The following ZNF445 variants were observed in gnomAD, a reference collection of about 807,000 sequenced individuals.
The protein encoded by ZNF445 is zinc finger protein 168.
In ZNF445, 19 loss-of-function variants were observed where a neutral mutation model predicts 93.9. The ratio of observed to expected loss-of-function variants is 0.20; its 90% CI spans 0.14 to 0.30. The LOEUF (loss-of-function observed/expected upper bound fraction) is 0.30. Ranked by LOEUF, ZNF445 falls within the 10% of genes least tolerant of loss-of-function variation. The pLI is 1.00. For missense variants in ZNF445, 1,058 were observed against 1,259.4 expected (o/e 0.84, Z 2.42); for synonymous variants, 449 against 446.3 (o/e 1.01, Z -0.08).
chr3:44,435,953 A>G lies in ZNF445; in HGVS notation c.*10622T>C, dbSNP rs1269588616. On this transcript the variant is annotated 3_prime_UTR_variant, in exon 8 of 8. Transcript: ENST00000396077. Reference sequence around the variant, plus strand: ...AAAGTCTAATTATTTGCCCTTCCCAATGCACAATCACTCTGATAAATGGCC... The same window carrying G: ...AAAGTCTAATTATTTGCCCTTCCCAGTGCACAATCACTCTGATAAATGGCC... 1 of 152,222 alleles carries G rather than the reference A, an allele frequency of 6.6e-6. No homozygotes were observed. The highest frequency in any genetic ancestry group is 1.9e-4 in the East Asian group (1 of 5,204). 9.4% of individuals were successfully genotyped at this position (152,222 alleles called of 1,614,324 possible). A position where few individuals can be genotyped will look rare whatever the true frequency, so the allele number is the denominator to read the frequency against.
chr3:44,463,636 T>A (rs1698151552), intron 1 of ZNF445, among the ~76,000 whole-genome samples: 1 of 152,184 alleles, frequency 6.6e-6, no homozygotes, highest in African/African-American at 2.4e-5. Flanking sequence ...AAATATACTT[T>A]AAGGGATGGC....
rs1444883847 is a variant in ZNF445 at position 44,438,535 on chromosome 3, A to G, written c.*8040T>C. ...ATGGTCTCGATCTCTTGACCTCGTG[A>G]TCTGCCCGCCTCAGCCTCCCAAAGT... On this transcript the variant is annotated 3_prime_UTR_variant, in exon 8 of 8. Coordinates refer to ENST00000396077, the MANE Select transcript of ZNF445 (RefSeq NM_181489.6). The G allele has an allele frequency of 1.3e-5, 2 of 152,038 alleles. No individual in the cohort carries two copies. The highest frequency in any genetic ancestry group is 3.9e-4 in the East Asian group (2 of 5,176). 9.4% of individuals were successfully genotyped at this position (152,038 alleles called of 1,614,324 possible). A position where few individuals can be genotyped will look rare whatever the true frequency, so the allele number is the denominator to read the frequency against.
chr3:44,462,115 A>T (rs1698122629), intron 1 of ZNF445, among the ~76,000 whole-genome samples: 1 of 152,166 alleles, frequency 6.6e-6, no homozygotes, highest in Admixed American at 6.6e-5. Context: ...ACTTTGTGCT[A>T]AGAATTTGTC....
chr3:44,464,367 A>G (rs7623341), intron 1 of ZNF445, among the ~76,000 whole-genome samples: 89 of 152,384 alleles, frequency 5.8e-4, no homozygotes, highest in Middle Eastern at 3.4e-3. Context: ...AGAAACTGGC[A>G]AATGAAAAAT....
chr3:44,466,684 G>A (rs1283183667), intron 1 of ZNF445, among the ~76,000 whole-genome samples: 1 of 152,018 alleles, frequency 6.6e-6, no homozygotes. Context: ...TTTATAAGCA[G>A]GTATAAAATT....
At chr3:44,451,136 G>A (rs958906910) in intron 4 of ZNF445, among the ~76,000 whole-genome samples, 174 bp from the exon 5 acceptor site, 1 of 152,148 alleles carries the variant, frequency 6.6e-6, no homozygotes. Context: ...GTGGGATGGG[G>A]GGTGTAATGG....
chr3:44,449,540 T>C lies in ZNF445; in HGVS notation c.904A>G (p.Lys302Glu), dbSNP rs1185848044. The C allele has an allele frequency of 1.2e-6, 2 of 1,614,194 alleles. No individual in the cohort carries two copies. Among genetic ancestry groups the C allele is most frequent in the East Asian group, 2.2e-5 (1 of 44,876 alleles). Residue 302 changes from lysine to glutamate, a missense_variant, in exon 7 of 8, where the codon AAG becomes GAG. By Grantham distance (56) the Lys-to-Glu change is moderately conservative. This residue lies in a region of ZNF445 where 657 missense variants were observed against 746.4 expected (regional missense o/e 0.88). Transcript: ENST00000396077. The part of the protein sequence containing the change: ...WGLNMQAAQP[K>E]GNPVAAPTGD... Reference sequence around the variant, plus strand: ...GTAGGAGCAGCAACTGGATTCCCCTTAGGCTGAGCTGCCTGCATGTTCAGG... The same window carrying C: ...GTAGGAGCAGCAACTGGATTCCCCTCAGGCTGAGCTGCCTGCATGTTCAGG...
intron 1 of ZNF445, among the ~76,000 whole-genome samples, chr3:44,458,616 C>T (rs1448609438): frequency 1.3e-5 from 2 of 152,044 alleles, no homozygotes; most frequent in Non-Finnish European, 2.9e-5. Flanking sequence ...GGTAAGACAG[C>T]CTTTTGTTAT....
intron 1 of ZNF445, among the ~76,000 whole-genome samples, chr3:44,473,589 T>C (rs996952415): frequency 6.6e-6 from 1 of 151,828 alleles, no homozygotes; most frequent in Non-Finnish European, 1.5e-5. Context: ...CAAAATTTGA[T>C]TTCTAAATAC....
chr3:44,464,108 G>A (rs990261390), intron 1 of ZNF445, among the ~76,000 whole-genome samples: 7 of 151,850 alleles, frequency 4.6e-5, no homozygotes, highest in Admixed American at 1.3e-4. Context: ...CTTGGATGTC[G>A]CAGTGAGACT....
At position 44,462,871 on chromosome 3, in the gene ZNF445, A is replaced by G. The variant is rs9823647; in HGVS notation, c.-268-4507T>C. Among the ~76,000 whole-genome samples, 1,379 of 152,266 alleles carry G rather than the reference A, an allele frequency of 9.1e-3. 19 individuals carry two copies. The highest frequency in any genetic ancestry group is 0.032 in the African/African-American group (1,323 of 41,562). ...AAAAAATTTTGAAGAATTTTTTTTA[A>G]GAGTGCTATGGTTAAAAGCTTAATT... On this transcript the variant is annotated intron_variant, in intron 1 of 7. Coordinates refer to ENST00000396077, the MANE Select transcript of ZNF445 (RefSeq NM_181489.6).
chr3:44,447,989 T>C lies in ZNF445; in HGVS notation c.1682A>G (p.Glu561Gly), dbSNP rs1454404685. ...RRLSAYRLHR[E>G]THAKKKFLEL... Reference sequence around the variant, plus strand: ...AAGAAATTTCTTCTTAGCATGGGTTTCTCGGTGCAGACGGTAGGCTGACAG... The same window carrying C: ...AAGAAATTTCTTCTTAGCATGGGTTCCTCGGTGCAGACGGTAGGCTGACAG... The change falls in exon 8 of 8, where the codon GAA becomes GGA. Residue 561 changes from glutamate (E) to glycine (G), a missense_variant. Glu to Gly is a moderately conservative substitution (Grantham distance 98). Transcript: ENST00000396077. The surrounding 1 kb of genome is among the most constrained non-coding windows in gnomAD (Gnocchi z 4.7). 2 of 1,612,022 alleles carry C rather than the reference T, an allele frequency of 1.2e-6. No individual in the cohort carries two copies. The highest frequency in any genetic ancestry group is 1.1e-5 in the South Asian group (1 of 91,080).
Position 44,446,665 on chromosome 3 carries a change from T to C in ZNF445, c.3006A>G (p.Arg1002=), listed in dbSNP as rs1188736750. 1 of 1,614,262 alleles carries C rather than the reference T, an allele frequency of 6.2e-7. No individual in the cohort carries two copies. The highest frequency in any genetic ancestry group is 1.1e-5 in the South Asian group (1 of 91,084). ...QLISHKRFHT[R]ERPFKCSKCG... ...ACTTGCTGCATTTGAAGGGCCTCTC[T>C]CGAGTATGAAATCTCTTGTGGCTAA... Residue 1002 remains arginine, a synonymous_variant, in exon 8 of 8, where the codon CGA becomes CGG. Coordinates refer to ENST00000396077, the MANE Select transcript of ZNF445 (RefSeq NM_181489.6). This position sits in a 1 kb window ranked among gnomAD's most constrained non-coding sequence, Gnocchi z 4.2.
chr3:44,473,492 A>ACACACACACACACACAC (rs1559400839), intron 1 of ZNF445, among the ~76,000 whole-genome samples: 54 of 89,128 alleles, frequency 6.1e-4, no homozygotes, highest in African/African-American at 1.5e-3. Flanking sequence ...CACACACACA[A>ACACACACACACACACAC]AAAATGCTTT....
chr3:44,450,562 A>C lies in ZNF445; in HGVS notation c.705T>G (p.Thr235=), dbSNP rs1390926977. 3 of 1,613,930 alleles carry C rather than the reference A, an allele frequency of 1.9e-6. No homozygotes were observed. The African/African-American group carries it at 4.0e-5, about 22-fold the overall frequency. Residue 235 remains threonine, a synonymous_variant, in exon 6 of 8, where the codon ACT becomes ACG. Coordinates refer to ENST00000396077, the MANE Select transcript of ZNF445 (RefSeq NM_181489.6). ...AGAAGGTCACCTCCACATCCTTGAA[A>C]GTCATGGTCTCCTGAAAAAACACTG... The part of the protein sequence containing the change: ...SLTAQLQETM[T]FKDVEVTFSQ...
In ZNF445 at chr3:44,469,469, CAG is replaced by C. The variant is rs555679419; in HGVS notation, c.-269+8120_-269+8121del. ...CATGACGGCTGCTGATTCATGCACTCAGAAACAGAACAAAGGAGGCCTGGCAT... is the reference window on the plus strand; with the variant it reads ...CATGACGGCTGCTGATTCATGCACTCAAACAGAACAAAGGAGGCCTGGCAT... On this transcript the variant is annotated intron_variant, in intron 1 of 7. Coordinates refer to ENST00000396077, the MANE Select transcript of ZNF445 (RefSeq NM_181489.6). Among the ~76,000 whole-genome samples the C allele has an allele frequency of 3.7e-3, 556 of 152,288 alleles. 1 individual carries two copies. Among genetic ancestry groups the C allele is most frequent in the Middle Eastern group, 0.02 (6 of 294 alleles).
chr3:44,460,104 T>C (rs1383228086), intron 1 of ZNF445, among the ~76,000 whole-genome samples: 1 of 152,236 alleles, frequency 6.6e-6, no homozygotes, highest in African/African-American at 2.4e-5. Context: ...GACATTTACA[T>C]GAGTGTACAC....
chr3:44,456,042 CAAATCCTACCA>C (rs1490038461), intron 2 of ZNF445, among the ~76,000 whole-genome samples: 3 of 152,134 alleles, frequency 2.0e-5, no homozygotes, highest in Non-Finnish European at 2.9e-5. Context: ...AGGTCTAATG[CAAATCCTACCA>C]AAATCTCAAC....
chr3:44,470,150 T>C (rs990100586), intron 1 of ZNF445, among the ~76,000 whole-genome samples: 4 of 152,158 alleles, frequency 2.6e-5, no homozygotes, highest in African/African-American at 4.8e-5. Flanking sequence ...CTCAAACTCC[T>C]GGCTTCAAGA....
Sources: gnomAD v4.1 joint callset for allele counts (sites outside exome capture counted in the v4.1 genomes callset) on GRCh38, gnomAD v4.1.1 for gene constraint, gnomAD v4.1.1 regional missense constraint, Gnocchi (gnomAD v3.1) non-coding constraint, MANE v1.5 for transcripts, NCBI Gene and HGNC (gene_info 2026-07-23, HGNC 2026-07-21) for gene names.